Variants in TMEM132D observed in about 807,000 individuals in gnomAD.
TMEM132D encodes mature OL transmembrane protein.
A neutral mutation model predicts 62.3 loss-of-function variants in TMEM132D; 21 were observed. The ratio of observed to expected loss-of-function variants is 0.34; its 90% CI spans 0.24 to 0.49. The LOEUF (loss-of-function observed/expected upper bound fraction) is 0.49. Among genes scored for constraint, TMEM132D ranks in the 20% least tolerant of loss-of-function variants. The pLI is 0.99. For missense variants in TMEM132D, 1,346 were observed against 1,402.8 expected (o/e 0.96, Z 0.65); for synonymous variants, 621 against 575.6 (o/e 1.08, Z -1.13).
intron 5 of TMEM132D, among the ~76,000 whole-genome samples, chr12:129,162,005 G>T (rs553661075): frequency 1.3e-5 from 2 of 152,320 alleles, no homozygotes; most frequent in African/African-American, 4.8e-5. Flanking sequence ...TGGGAAACAT[G>T]TGGTTCCTCC....
intron 4 of TMEM132D, among the ~76,000 whole-genome samples, chr12:129,234,399 A>C (rs1190457229): frequency 6.6e-6 from 1 of 152,234 alleles, no homozygotes; most frequent in Non-Finnish European, 1.5e-5. Flanking sequence ...GCTCCGTAGC[A>C]ACTGCTAAAT....
At chr12:129,334,641 A>C (rs77207748) in intron 4 of TMEM132D, among the ~76,000 whole-genome samples, 4,238 of 152,150 alleles carry the variant, frequency 0.028, 212 homozygotes, top group African/African-American at 0.097. Context: ...GAGATGAAGT[A>C]TTGCTCTATC....
intron 1 of TMEM132D, among the ~76,000 whole-genome samples, chr12:129,837,959 T>A (rs1419396601): frequency 1.3e-5 from 2 of 152,188 alleles, no homozygotes; most frequent in African/African-American, 4.8e-5. Context: ...ATCCAAAACA[T>A]CTATTTTTTT....
chr12:129,743,374 A>G (rs930767083), intron 1 of TMEM132D, among the ~76,000 whole-genome samples: 2 of 152,186 alleles, frequency 1.3e-5, no homozygotes, highest in Non-Finnish European at 2.9e-5. Context: ...GCACGATAGT[A>G]AGTGAGTTCA....
chr12:129,100,104 G>A (rs1031736464), intron 5 of TMEM132D, among the ~76,000 whole-genome samples: 5 of 151,992 alleles, frequency 3.3e-5, no homozygotes, highest in Admixed American at 1.3e-4. Flanking sequence ...GCAGTGGCAC[G>A]ATCTTGGCTC....
chr12:129,716,947 T>C (rs1441231729), intron 1 of TMEM132D, among the ~76,000 whole-genome samples: 1 of 152,134 alleles, frequency 6.6e-6, no homozygotes, highest in African/African-American at 2.4e-5. Flanking sequence ...CGTCTGTAGG[T>C]AGAAATGGTG....
chr12:129,894,171 G>C (rs1593201760), intron 1 of TMEM132D, among the ~76,000 whole-genome samples: 1 of 152,338 alleles, frequency 6.6e-6, no homozygotes, highest in South Asian at 2.1e-4. Context: ...CACAATCATG[G>C]CAAAAGGCAA....
chr12:129,121,231 G>T (rs1325097818), intron 5 of TMEM132D, among the ~76,000 whole-genome samples: 1 of 152,104 alleles, frequency 6.6e-6, no homozygotes, highest in East Asian at 1.9e-4. Flanking sequence ...AAGTAGCTGG[G>T]ATTACAGGTG....
chr12:129,449,156 T>G (rs1297153209), intron 3 of TMEM132D, among the ~76,000 whole-genome samples: 2 of 152,224 alleles, frequency 1.3e-5, no homozygotes, highest in African/African-American at 4.8e-5. Flanking sequence ...CCCTATGCAT[T>G]GGCTTTAGGA....
At chr12:129,301,943 G>T (rs942970226) in intron 4 of TMEM132D, among the ~76,000 whole-genome samples, 3 of 151,610 alleles carry the variant, frequency 2.0e-5, no homozygotes, top group African/African-American at 4.9e-5. Context: ...CATTGGAAAA[G>T]ACTATAATAG....
At chr12:129,429,519 C>A (rs1872592791) in intron 3 of TMEM132D, among the ~76,000 whole-genome samples, 1 of 151,880 alleles carries the variant, frequency 6.6e-6, no homozygotes, top group Admixed American at 6.6e-5. Flanking sequence ...GGAAACCTTT[C>A]TCACCTCAGC....
At chr12:129,137,183 A>G (rs1015144368) in intron 5 of TMEM132D, among the ~76,000 whole-genome samples, 6 of 151,372 alleles carry the variant, frequency 4.0e-5, no homozygotes, top group Admixed American at 2.0e-4. Context: ...CATCACCACC[A>G]TCATCACAAT....
At chr12:129,213,169 G>A (rs1056622641) in intron 4 of TMEM132D, among the ~76,000 whole-genome samples, 9 of 152,204 alleles carry the variant, frequency 5.9e-5, no homozygotes, top group African/African-American at 1.7e-4. Context: ...TATATTCTGT[G>A]TGTGTGTCTT....
intron 2 of TMEM132D, among the ~76,000 whole-genome samples, chr12:129,538,375 G>A (rs1876466460): frequency 6.6e-6 from 1 of 152,116 alleles, no homozygotes; most frequent in Non-Finnish European, 1.5e-5. Flanking sequence ...ACCCCAGGAG[G>A]CTTTATTCAT....
chr12:129,862,429 T>C (rs897094980), intron 1 of TMEM132D, among the ~76,000 whole-genome samples: 1 of 152,176 alleles, frequency 6.6e-6, no homozygotes, highest in African/African-American at 2.4e-5. Context: ...TTGCTGACAC[T>C]CCACTGCACA....
At chr12:129,401,220 A>T (rs2135700266) in intron 3 of TMEM132D, among the ~76,000 whole-genome samples, 1 of 152,350 alleles carries the variant, frequency 6.6e-6, no homozygotes, top group African/African-American at 2.4e-5. Context: ...GCAGGTGTTT[A>T]CATAAACGCA....
intron 2 of TMEM132D, among the ~76,000 whole-genome samples, chr12:129,564,054 C>A (rs1226929131): frequency 6.6e-6 from 1 of 151,970 alleles, no homozygotes; most frequent in African/African-American, 2.4e-5. Flanking sequence ...ATAACTAAGA[C>A]GTTTCAGGGT....
chr12:129,507,486 T>C (rs1305378234), intron 3 of TMEM132D, among the ~76,000 whole-genome samples: 2 of 152,108 alleles, frequency 1.3e-5, no homozygotes, highest in African/African-American at 4.8e-5. Context: ...AACGAATGCA[T>C]AAAGAAAGTG....
chr12:129,819,146 GT>G lies in TMEM132D; in HGVS notation c.79+84114del, dbSNP rs151328970. ...GCCTAGAAAAGGAACGAAAACATAG[GT>G]TCATGCTGCCCCACATGAGAACACG... On this transcript the variant is annotated intron_variant, in intron 1 of 8. Transcript: ENST00000422113. Among the ~76,000 whole-genome samples, 1,319 of 152,172 alleles carry G rather than the reference GT, an allele frequency of 8.7e-3. 22 individuals are homozygous for G. The highest frequency in any genetic ancestry group is 0.03 in the African/African-American group (1,233 of 41,500).
Sources: gnomAD v4.1 joint callset for allele counts (sites outside exome capture counted in the v4.1 genomes callset) on GRCh38, gnomAD v4.1.1 for gene constraint, MANE v1.5 for transcripts, NCBI Gene and HGNC (gene_info 2026-07-23, HGNC 2026-07-21) for gene names.